The following EPB41L4A variants were observed in gnomAD, a reference collection of about 807,000 sequenced individuals.
EPB41L4A encodes band 4.1-like protein 4A.
Under a neutral mutation model 108.6 loss-of-function variants are expected in EPB41L4A, and 100 were observed. The observed-to-expected ratio is 0.92, with a 90% CI of 0.78 to 1.09. EPB41L4A has a LOEUF of 1.09. Among genes scored for constraint, EPB41L4A ranks in the 50% least tolerant of loss-of-function variants. EPB41L4A has a pLI of 0.00. For missense variants in EPB41L4A, 1,030 were observed against 842.7 expected (o/e 1.22, Z -2.75); for synonymous variants, 319 against 289.0 (o/e 1.10, Z -1.05).
At chr5:112,383,741 G>C (rs1409205769) in intron 1 of EPB41L4A, among the ~76,000 whole-genome samples, 1 of 151,910 alleles carries the variant, frequency 6.6e-6, no homozygotes, top group Non-Finnish European at 1.5e-5. Flanking sequence ...AATAAAATGG[G>C]GGTGGGGGAA....
chr5:112,164,730 G>T lies in EPB41L4A; in HGVS notation c.*260C>A, dbSNP rs1975015. 0.73 allele frequency: 172,829 copies of T among 237,516 alleles called. 64,711 individuals are homozygous for T. Among genetic ancestry groups the T allele is most frequent in the East Asian group, 1 (10,810 of 10,828 alleles). 14.7% of individuals were successfully genotyped at this position (237,516 alleles called of 1,614,324 possible). On this transcript the variant is annotated 3_prime_UTR_variant, in exon 23 of 23. Transcript: ENST00000261486. ...CACGCCTGTAATCCCAGCTGCTCGG[G>T]AGCCTGAGACAGGAGAATCGCTTAA...
chr5:112,207,074 T>C (rs1762508923), intron 13 of EPB41L4A: 1 of 152,164 alleles, frequency 6.6e-6, no homozygotes. Flanking sequence ...CAGCATGGTA[T>C]GGTACAAAAA....
intron 6 of EPB41L4A, among the ~76,000 whole-genome samples, chr5:112,263,160 G>A (rs1248462423): frequency 6.6e-6 from 1 of 152,144 alleles, no homozygotes; most frequent in African/African-American, 2.4e-5. Flanking sequence ...GTAATATAAA[G>A]AAAACAGCAT....
intron 12 of EPB41L4A, among the ~76,000 whole-genome samples, chr5:112,213,212 C>G (rs1221809953): frequency 6.6e-6 from 1 of 152,132 alleles, no homozygotes; most frequent in Non-Finnish European, 1.5e-5. Flanking sequence ...GACTAATTTA[C>G]TAATGTGACA....
rs369884880 is a variant in EPB41L4A at position 112,296,013 on chromosome 5, A to G, written c.204+11373T>C. Among the ~76,000 whole-genome samples, 47 of 152,288 alleles carry G rather than the reference A, an allele frequency of 3.1e-4. No homozygotes were observed. In the South Asian group the frequency reaches 9.5e-3, roughly 31 times the overall value. ...TCATGGAACTCAAGTTAACATTTTT[A>G]TTTAAATTGACAAAATGACAGAAAG... is the stretch of plus-strand genomic sequence containing the variant. On this transcript the variant is annotated intron_variant, in intron 2 of 22. Transcript: ENST00000261486.
chr5:112,219,880 G>A (rs1278923669), intron 12 of EPB41L4A, among the ~76,000 whole-genome samples: 1 of 152,248 alleles, frequency 6.6e-6, no homozygotes, highest in African/African-American at 2.4e-5. Context: ...ATTTTTAGTA[G>A]AGATAGGGTT....
intron 1 of EPB41L4A, 23 bp from the exon 2 acceptor site, chr5:112,307,513 T>A (rs748540018): frequency 2.0e-5 from 31 of 1,566,868 alleles, no homozygotes; most frequent in Non-Finnish European, 2.7e-5. Flanking sequence ...TTCAGTTTTA[T>A]ATTTTTTAAC....
intron 12 of EPB41L4A, among the ~76,000 whole-genome samples, chr5:112,218,102 C>T (rs1747782968): frequency 6.6e-6 from 1 of 152,150 alleles, no homozygotes; most frequent in African/African-American, 2.4e-5. Context: ...ACAGACAGTC[C>T]TCCTTGTGGG....
intron 18 of EPB41L4A, among the ~76,000 whole-genome samples, chr5:112,171,858 C>CA (rs2150206113): frequency 6.6e-6 from 1 of 152,230 alleles, no homozygotes; most frequent in African/African-American, 2.4e-5. Context: ...AAAGAAAGAA[C>CA]AAATAATTAA....
intron 1 of EPB41L4A, among the ~76,000 whole-genome samples, chr5:112,322,726 A>T (rs955970652): frequency 2.0e-5 from 3 of 149,836 alleles, no homozygotes; most frequent in African/African-American, 4.9e-5. Flanking sequence ...ACACACACAC[A>T]CTCACACACA....
intron 12 of EPB41L4A, among the ~76,000 whole-genome samples, chr5:112,149,344 T>C (rs1342418070): frequency 6.6e-6 from 1 of 152,164 alleles, no homozygotes; most frequent in Non-Finnish European, 1.5e-5. Context: ...TGGTGGCACG[T>C]GCCTGTATTC....
chr5:112,415,635 A>C (rs928283207), intron 1 of EPB41L4A, among the ~76,000 whole-genome samples: 47 of 152,172 alleles, frequency 3.1e-4, no homozygotes, highest in African/African-American at 1.1e-3. Context: ...AAAGTTATCT[A>C]CCTCCCTCAG....
chr5:112,189,777 A>C (rs4957634), intron 17 of EPB41L4A, among the ~76,000 whole-genome samples: 115,854 of 152,148 alleles, frequency 0.76, 44,507 homozygotes, highest in East Asian at 1. Context: ...TAATGAATGA[A>C]TGAGTAATTC....
At chr5:112,232,458 T>C (rs1749025920) in intron 12 of EPB41L4A, among the ~76,000 whole-genome samples, 1 of 152,184 alleles carries the variant, frequency 6.6e-6, no homozygotes, top group African/African-American at 2.4e-5. Context: ...GCAAATTTAG[T>C]CATGTTTTAT....
At chr5:112,191,887 G>A (rs1476773286) in intron 17 of EPB41L4A, 4 of 152,114 alleles carry the variant, frequency 2.6e-5, no homozygotes, top group African/African-American at 9.7e-5. Flanking sequence ...AGGGTGCATC[G>A]GCGTGCAGGC....
chr5:112,175,820 G>A (rs1434842157), intron 18 of EPB41L4A, among the ~76,000 whole-genome samples: 1 of 151,972 alleles, frequency 6.6e-6, no homozygotes, highest in African/African-American at 2.4e-5. Flanking sequence ...TCTAAGGGAT[G>A]CGGTCTCACT....
intron 1 of EPB41L4A, among the ~76,000 whole-genome samples, chr5:112,310,667 T>C (rs17134343): frequency 0.071 from 10,853 of 152,276 alleles, 465 homozygotes; most frequent in Middle Eastern, 0.095. Context: ...CCTTTCAGCT[T>C]TGAGTTACAT....
intron 12 of EPB41L4A, among the ~76,000 whole-genome samples, chr5:112,224,825 G>A (rs1291437519): frequency 6.6e-6 from 1 of 152,084 alleles, no homozygotes; most frequent in Admixed American, 6.6e-5. Flanking sequence ...TGTGCACTTG[G>A]AAAAGAAGAG....
chr5:112,366,305 AAAAG>A (rs979156316), intron 1 of EPB41L4A, among the ~76,000 whole-genome samples: 4 of 152,086 alleles, frequency 2.6e-5, no homozygotes, highest in African/African-American at 4.8e-5. Flanking sequence ...TAGAAAAAAA[AAAAG>A]AAAGAAAGAA....
Sources: allele counts gnomAD v4.1 joint callset (sites outside exome capture counted in the v4.1 genomes callset), GRCh38; gene constraint gnomAD v4.1.1; transcripts MANE v1.5; gene names NCBI Gene and HGNC (gene_info 2026-07-23, HGNC 2026-07-21).